Variants in WWC2 observed in about 807,000 individuals in gnomAD.
The protein encoded by WWC2 is protein WWC2.
In WWC2, 101 loss-of-function variants were observed where a neutral mutation model predicts 138.5. That is an observed-to-expected ratio of 0.73 (90% CI 0.62 to 0.86). WWC2 has a LOEUF of 0.86. Ranked by LOEUF, WWC2 falls within the 40% of genes least tolerant of loss-of-function variation. The pLI, the probability that WWC2 is intolerant of heterozygous loss-of-function variation, is 0.00. For missense variants in WWC2, 1,420 were observed against 1,419.4 expected (o/e 1.00, Z -0.01); for synonymous variants, 558 against 538.4 (o/e 1.04, Z -0.50).
intron 1 of WWC2, among the ~76,000 whole-genome samples, chr4:183,131,179 C>T (rs961069143): frequency 6.6e-6 from 1 of 152,044 alleles, no homozygotes; most frequent in African/African-American, 2.4e-5. Context: ...AAACAAACTC[C>T]CGTGTAAACT....
intron 1 of WWC2, among the ~76,000 whole-genome samples, chr4:183,158,027 A>T (rs4579165): frequency 1.3e-5 from 2 of 151,992 alleles, no homozygotes; most frequent in Non-Finnish European, 2.9e-5. Flanking sequence ...ATCTCACCTT[A>T]GTATTTTCAC....
intron 6 of WWC2, among the ~76,000 whole-genome samples, chr4:183,247,607 A>C (rs1736825593): frequency 7.3e-6 from 1 of 136,238 alleles, no homozygotes; most frequent in Non-Finnish European, 1.5e-5. Flanking sequence ...TATATATGCT[A>C]TATATACTAT....
At chr4:183,141,360 C>T (rs1490775962) in intron 1 of WWC2, among the ~76,000 whole-genome samples, 1 of 152,050 alleles carries the variant, frequency 6.6e-6, no homozygotes, top group Non-Finnish European at 1.5e-5. Context: ...TTTATAAGAA[C>T]ATCAATTCTA....
intron 5 of WWC2, among the ~76,000 whole-genome samples, chr4:183,244,295 AT>A (rs1234980691): frequency 6.6e-6 from 1 of 152,102 alleles, no homozygotes; most frequent in Non-Finnish European, 1.5e-5. Context: ...ACATGAAACT[AT>A]TTTTTTAAAA....
At chr4:183,268,225 T>C (rs149208661) in intron 14 of WWC2, among the ~76,000 whole-genome samples, 25 of 152,338 alleles carry the variant, frequency 1.6e-4, no homozygotes, top group Admixed American at 1.4e-3. Flanking sequence ...CTTAGCGGTA[T>C]TCTCTTCCTG....
At chr4:183,296,933 CAAAAAAAAAAAAAAAAAA>C (rs776211338) in intron 21 of WWC2, among the ~76,000 whole-genome samples, 12 of 70,766 alleles carry the variant, frequency 1.7e-4, no homozygotes, top group Non-Finnish European at 2.7e-4. Flanking sequence ...GACTCCGTCT[CAAAAAAAAAAAAAAAAAA>C]AAAAAAAAAA....
chr4:183,152,797 C>T (rs543312970), intron 1 of WWC2, among the ~76,000 whole-genome samples: 75 of 151,746 alleles, frequency 4.9e-4, no homozygotes, highest in African/African-American at 1.7e-3. Context: ...GCAGGAGAAT[C>T]GCTTGAACCC....
intron 1 of WWC2, among the ~76,000 whole-genome samples, chr4:183,170,674 A>G (rs1364935742): frequency 6.6e-6 from 1 of 152,094 alleles, no homozygotes; most frequent in Non-Finnish European, 1.5e-5. Flanking sequence ...AGAGAAATAA[A>G]TAGTCATCAT....
At chr4:183,115,854 TTTGTTGGTTTTC>T (rs1373514224) in intron 1 of WWC2, among the ~76,000 whole-genome samples, 41 of 152,296 alleles carry the variant, frequency 2.7e-4, no homozygotes, top group African/African-American at 8.2e-4. Context: ...TTAGGTCCCA[TTTGTTGGTTTTC>T]TTTTTTGTTG....
Position 183,268,980 on chromosome 4 carries a change from G to C in WWC2, c.2217G>C (p.Arg739Ser), listed in dbSNP as rs1349432493. ...TTCTTGTTCTTTGCAGATATTTTAG[G>C]GTTGCCGTTCTTCCTTCCTCAACTG... ...LIPHTSKVYF[R>S]VAVLPSSTDV... The change falls in exon 15 of 23, where the codon AGG (arginine) becomes AGC (serine). Residue 739 changes from arginine (R) to serine (S), a missense_variant. Arg to Ser is a moderately radical substitution (Grantham distance 110, BLOSUM62 -1). Transcript: ENST00000403733. The C allele has an allele frequency of 1.2e-6, 2 of 1,611,316 alleles. No individual in the cohort carries two copies. The highest frequency in any genetic ancestry group is 1.7e-5 in the Admixed American group (1 of 59,562).
intron 8 of WWC2, among the ~76,000 whole-genome samples, 173 bp downstream of exon 8, chr4:183,250,166 GC>G (rs2111334453): frequency 1.3e-5 from 1 of 75,976 alleles, no homozygotes; most frequent in African/African-American, 5.1e-5. Flanking sequence ...TCTTCCCCCC[GC>G]CCTCCACCCC....
chr4:183,143,774 C>T (rs534500966), intron 1 of WWC2, among the ~76,000 whole-genome samples: 3 of 151,988 alleles, frequency 2.0e-5, no homozygotes, highest in Non-Finnish European at 4.4e-5. Flanking sequence ...TGCTACTATA[C>T]TCTAGCCTGG....
chr4:183,216,279 T>C (rs1735751505), intron 4 of WWC2, among the ~76,000 whole-genome samples: 1 of 152,212 alleles, frequency 6.6e-6, no homozygotes, highest in Non-Finnish European at 1.5e-5. Flanking sequence ...TCTCAGCTTC[T>C]ACTTAATGAA....
At chr4:183,138,147 G>A (rs1733179537) in intron 1 of WWC2, among the ~76,000 whole-genome samples, 1 of 152,136 alleles carries the variant, frequency 6.6e-6, no homozygotes, top group African/African-American at 2.4e-5. Context: ...AACCTATCTG[G>A]AAGTTGTATT....
chr4:183,128,229 G>T (rs933863807), intron 1 of WWC2, among the ~76,000 whole-genome samples: 1 of 152,066 alleles, frequency 6.6e-6, no homozygotes, highest in African/African-American at 2.4e-5. Context: ...GTGCCAGCTA[G>T]TCAGGAGGCT....
chr4:183,172,970 T>G (rs1464348868), intron 1 of WWC2, among the ~76,000 whole-genome samples: 1 of 152,106 alleles, frequency 6.6e-6, no homozygotes, highest in East Asian at 1.9e-4. Flanking sequence ...ATTGTTCATT[T>G]CCAGGAATTT....
intron 3 of WWC2, among the ~76,000 whole-genome samples, 194 bp downstream of exon 3, chr4:183,208,350 T>G (rs534070410): frequency 1.1e-4 from 17 of 152,294 alleles, no homozygotes; most frequent in African/African-American, 4.1e-4. Flanking sequence ...GAATCCCTGT[T>G]TGGGGGTTAT....
chr4:183,197,679 A>G (rs1735181325), intron 2 of WWC2, among the ~76,000 whole-genome samples: 1 of 152,178 alleles, frequency 6.6e-6, no homozygotes, highest in Admixed American at 6.5e-5. Context: ...AGGTTTTGAT[A>G]TTATTAATAC....
chr4:183,253,315 T>A (rs558083238), intron 8 of WWC2, among the ~76,000 whole-genome samples: 1 of 152,110 alleles, frequency 6.6e-6, no homozygotes, highest in Non-Finnish European at 1.5e-5. Flanking sequence ...TAAAACACAT[T>A]GGAATAAAAT....
Sources: allele counts gnomAD v4.1 joint callset (sites outside exome capture counted in the v4.1 genomes callset), GRCh38; gene constraint gnomAD v4.1.1; transcripts MANE v1.5; gene names NCBI Gene and HGNC (gene_info 2026-07-23, HGNC 2026-07-21).